GSE1: variants seen among roughly 807,000 people sequenced by gnomAD.
GSE1 encodes the protein genetic suppressor element 1.
In GSE1, 32 loss-of-function variants were observed where a neutral mutation model predicts 112.6. That is an observed-to-expected ratio of 0.28 (90% CI 0.21 to 0.38). The LOEUF (loss-of-function observed/expected upper bound fraction) is 0.38. Ranked by LOEUF, GSE1 falls within the 10% of genes least tolerant of loss-of-function variation. The probability of loss-of-function intolerance (pLI) is 1.00; values close to 1 mark genes in which losing one functional copy is unlikely to be tolerated. For missense variants in GSE1, 2,348 were observed against 1,699.2 expected, an observed-to-expected ratio of 1.38 and a Z score of -6.71; for synonymous variants, 1,115 against 735.6, an observed-to-expected ratio of 1.52 and a Z score of -8.35.
At chr16:85,351,703 C>G (rs184189593) in intron 1 of GSE1, among the ~76,000 whole-genome samples, 1 of 152,116 alleles carries the variant, frequency 6.6e-6, no homozygotes. Context: ...TTTAAAATAG[C>G]CTTGGGCTGG....
At chr16:85,324,509 CAAAAAAA>C (rs58493568) in intron 1 of GSE1, among the ~76,000 whole-genome samples, 4 of 98,110 alleles carry the variant, frequency 4.1e-5, no homozygotes, top group Admixed American at 1.1e-4. Context: ...GACTCCCTCT[CAAAAAAA>C]AAAAAAAAAA....
intron 1 of GSE1, among the ~76,000 whole-genome samples, chr16:85,293,653 C>T (rs1459333004): frequency 6.6e-6 from 1 of 152,236 alleles, no homozygotes; most frequent in Non-Finnish European, 1.5e-5. Context: ...GGGACGGCTT[C>T]CTTCTGCTGG....
At chr16:85,506,040 G>T (rs2051524224) in intron 2 of GSE1, among the ~76,000 whole-genome samples, 1 of 152,088 alleles carries the variant, frequency 6.6e-6, no homozygotes, top group Non-Finnish European at 1.5e-5. Context: ...CTCCTGAATG[G>T]CGCGTTCCAA....
At chr16:85,645,285 A>AG (rs1207447701) in intron 2 of GSE1, among the ~76,000 whole-genome samples, 1 of 151,718 alleles carries the variant, frequency 6.6e-6, no homozygotes, top group Non-Finnish European at 1.5e-5. Flanking sequence ...GAGCGTGATG[A>AG]GGTGGGGGCC....
Position 85,671,439 on chromosome 16 carries a change from C to CAAA in GSE1, c.3519+357_3519+359dup, listed in dbSNP as rs1159665909. Among the ~76,000 whole-genome samples, 454 of 61,316 alleles carry CAAA rather than the reference C, an allele frequency of 7.4e-3. 21 individuals are homozygous for CAAA. The highest frequency in any genetic ancestry group is 0.028 in the African/African-American group (423 of 14,902). 40.2% of individuals were successfully genotyped at this position (61,316 alleles called of 152,430 possible). A position where few individuals can be genotyped will look rare whatever the true frequency, so the allele number is the denominator to read the frequency against. On this transcript the variant is annotated intron_variant, in intron 15 of 15. Transcript: ENST00000253458. The stretch of plus-strand genomic sequence containing the variant: ...TGGGCGACAGAGCGAGACTCCGTCT[C>CAAA]AAAAAAAAAAAAAAAAAAGATCAAA...
chr16:85,671,439 C>CAAAAAAAAAAAAAAA (rs1159665909), intron 15 of GSE1, among the ~76,000 whole-genome samples: 92 of 61,240 alleles, frequency 1.5e-3, no homozygotes, highest in African/African-American at 6.0e-3. Flanking sequence ...GACTCCGTCT[C>CAAAAAAAAAAAAAAA]AAAAAAAAAA....
chr16:85,346,846 A>G (rs76961926), intron 1 of GSE1, among the ~76,000 whole-genome samples: 130 of 129,740 alleles, frequency 1.0e-3, no homozygotes, highest in Middle Eastern at 5.1e-3. Flanking sequence ...GATGATGGGC[A>G]GGTGGATGGG....
At chr16:85,668,492 T>C in intron 14 of GSE1, 68 bp downstream of exon 14, 1 of 1,116,686 alleles carries the variant, frequency 9.0e-7, no homozygotes, top group African/African-American at 1.5e-5. Context: ...AGCTGAGTGA[T>C]GAGTTCATGC....
chr16:85,508,369 GA>G (rs1326222288), intron 2 of GSE1, among the ~76,000 whole-genome samples: 1 of 152,216 alleles, frequency 6.6e-6, no homozygotes, highest in Non-Finnish European at 1.5e-5. Context: ...TGATGTTCCA[GA>G]GTGACATACG....
intron 1 of GSE1, among the ~76,000 whole-genome samples, chr16:85,559,009 G>A (rs887977683): frequency 1.3e-5 from 2 of 152,062 alleles, no homozygotes; most frequent in Admixed American, 6.5e-5. Context: ...AGACACCCAC[G>A]ACCATGCCAG....
intron 2 of GSE1, among the ~76,000 whole-genome samples, chr16:85,377,612 A>C (rs748197360): frequency 3.3e-5 from 5 of 152,208 alleles, no homozygotes; most frequent in Non-Finnish European, 7.4e-5. Context: ...CGTAAGCAGC[A>C]GTTCTCACCC....
chr16:85,636,483 A>G (rs1418249000), intron 2 of GSE1, among the ~76,000 whole-genome samples: 2 of 152,006 alleles, frequency 1.3e-5, no homozygotes, highest in Non-Finnish European at 2.9e-5. Context: ...GTTCCTCGTG[A>G]CCTCAGCCAC....
intron 1 of GSE1, among the ~76,000 whole-genome samples, chr16:85,273,816 A>G (rs1057355497): frequency 6.6e-6 from 1 of 151,196 alleles, no homozygotes; most frequent in Non-Finnish European, 1.5e-5. Context: ...CAGACTCCCA[A>G]GTAGCTGGGA....
chr16:85,202,156 A>T (rs2075040237), intron 1 of GSE1, among the ~76,000 whole-genome samples: 1 of 152,108 alleles, frequency 6.6e-6, no homozygotes, highest in Admixed American at 6.5e-5. Context: ...GCGGCCTGTG[A>T]TGTGGAGGAA....
chr16:85,271,639 G>A (rs528628641), intron 1 of GSE1, among the ~76,000 whole-genome samples: 4 of 152,226 alleles, frequency 2.6e-5, no homozygotes, highest in Admixed American at 6.5e-5. Flanking sequence ...AGTCAGGGCC[G>A]TATGTACAGG....
chr16:85,351,168 C>T (rs755290039), intron 1 of GSE1, among the ~76,000 whole-genome samples: 17 of 152,222 alleles, frequency 1.1e-4, no homozygotes, highest in Non-Finnish European at 2.1e-4. Context: ...CAGAGGAGGC[C>T]GGGAGATGGA....
At chr16:85,620,428 TC>T (rs1426262070) in intron 1 of GSE1, among the ~76,000 whole-genome samples, 1 of 152,256 alleles carries the variant, frequency 6.6e-6, no homozygotes, top group Admixed American at 6.5e-5. Flanking sequence ...TGGTATTTTT[TC>T]CATTCACTTA....
chr16:85,323,082 G>A lies in GSE1; in HGVS notation c.2284-34381G>A, dbSNP rs999018505. On this transcript the variant is annotated intron_variant, in intron 1 of 2. Coordinates refer to the GSE1 transcript ENST00000637419. ...CATTTGGAAGGGAAAACAGAACAGG[G>A]CGTCATTGTTTGTTGTTTCTGACCG... is the stretch of plus-strand genomic sequence containing the variant. Among the ~76,000 whole-genome samples the A allele has an allele frequency of 5.3e-5, 8 of 152,302 alleles. No homozygotes were observed. In the South Asian group the frequency reaches 1.2e-3, roughly 24 times the overall value.
At chr16:85,199,179 C>T (rs546532629) in intron 1 of GSE1, among the ~76,000 whole-genome samples, 1 of 152,188 alleles carries the variant, frequency 6.6e-6, no homozygotes, top group Admixed American at 6.5e-5. Flanking sequence ...CTTGTCTCAA[C>T]CTCCTGACCT....
Sources: allele counts gnomAD v4.1 joint callset (sites outside exome capture counted in the v4.1 genomes callset), GRCh38; gene constraint gnomAD v4.1.1; transcripts MANE v1.5; gene names NCBI Gene and HGNC (gene_info 2026-07-23, HGNC 2026-07-21).